Variants in ZNF536 observed in about 807,000 individuals in gnomAD.
ZNF536 encodes zinc finger protein 536.
ZNF536 carries 13 observed loss-of-function variants against 84.5 expected under a neutral mutation model. The observed-to-expected ratio is 0.15, with a 90% CI of 0.10 to 0.24. The LOEUF (loss-of-function observed/expected upper bound fraction) is 0.24, where lower values mean the gene tolerates loss of function less well. Ranked by LOEUF, ZNF536 falls within the 10% of genes least tolerant of loss-of-function variation. The pLI, the probability that ZNF536 is intolerant of heterozygous loss-of-function variation, is 1.00. For missense variants in ZNF536, 1,536 were observed against 1,747.5 expected (o/e 0.88, Z 2.16); for synonymous variants, 811 against 742.5 (o/e 1.09, Z -1.50).
At chr19:30,636,684 CT>C (rs1358434707) in intron 1 of ZNF536, among the ~76,000 whole-genome samples, 58 of 152,206 alleles carry the variant, frequency 3.8e-4, no homozygotes, top group African/African-American at 1.4e-3. Flanking sequence ...CTTTATGTGC[CT>C]TTGAGTCATA....
chr19:30,590,837 C>G (rs2047253156), intron 1 of ZNF536, among the ~76,000 whole-genome samples: 1 of 152,214 alleles, frequency 6.6e-6, no homozygotes. Context: ...AAAACAAAGC[C>G]TCTTAGATGT....
chr19:30,234,801 T>A (rs895136050), intron 1 of ZNF536, among the ~76,000 whole-genome samples: 1 of 151,818 alleles, frequency 6.6e-6, no homozygotes, highest in African/African-American at 2.4e-5. Flanking sequence ...CACCACGAAG[T>A]AGCTTTACTT....
intron 2 of ZNF536, among the ~76,000 whole-genome samples, chr19:30,486,272 C>T (rs919593553): frequency 3.3e-5 from 5 of 152,134 alleles, no homozygotes; most frequent in Non-Finnish European, 7.3e-5. Flanking sequence ...CGCTGACAAG[C>T]CCCAGTGTGT....
intron 1 of ZNF536, among the ~76,000 whole-genome samples, chr19:30,701,361 A>C (rs1169100337): frequency 6.6e-6 from 1 of 151,776 alleles, no homozygotes; most frequent in Non-Finnish European, 1.5e-5. Flanking sequence ...ACACACACAA[A>C]CACAAATACA....
chr19:30,616,090 A>G (rs972431930), intron 1 of ZNF536, among the ~76,000 whole-genome samples: 27 of 152,378 alleles, frequency 1.8e-4, no homozygotes, highest in African/African-American at 5.5e-4. Flanking sequence ...GCAGGTTCTC[A>G]TAAGTATTCT....
rs2146258662 is a variant in ZNF536, at chr19:30,549,476, C to T, written c.3857C>T (p.Thr1286Ile). The stretch of plus-strand genomic sequence containing the variant: ...GCCTTTAACGGACTTGCAAGTAGCA[C>T]AGCAAATTCTGGATGTATCAAGAGG... Reference protein sequence around the residue: ...LAAFNGLASSTANSGCIKRPD... With the variant: ...LAAFNGLASSIANSGCIKRPD... The change falls in exon 4 of 5, where the codon ACA (threonine) becomes ATA (isoleucine). Residue 1286 changes from threonine (T) to isoleucine (I), a missense_variant. By Grantham distance (89) the Thr-to-Ile change is moderately conservative (BLOSUM62 -1). This residue lies in a region of ZNF536 where 624 missense variants were observed against 603.1 expected (regional missense o/e 1.03). Coordinates refer to ENST00000355537, the MANE Select transcript of ZNF536 (RefSeq NM_014717.3). 2 of 1,518,128 alleles carry T rather than the reference C, an allele frequency of 1.3e-6. No individual in the cohort carries two copies. The highest frequency in any genetic ancestry group is 8.8e-7 in the Non-Finnish European group (1 of 1,133,760). 94.0% of individuals were successfully genotyped at this position (1,518,128 alleles called of 1,614,324 possible). A position where few individuals can be genotyped will look rare whatever the true frequency, so the allele number is the denominator to read the frequency against.
At chr19:30,437,891 C>A (rs1475468582) in intron 1 of ZNF536, among the ~76,000 whole-genome samples, 1 of 152,240 alleles carries the variant, frequency 6.6e-6, no homozygotes, top group East Asian at 1.9e-4. Flanking sequence ...TTATAGGTTT[C>A]AGGCTGGGGC....
At chr19:30,491,285 GA>G (rs778323152) in intron 2 of ZNF536, among the ~76,000 whole-genome samples, 2 of 152,136 alleles carry the variant, frequency 1.3e-5, no homozygotes, top group Non-Finnish European at 2.9e-5. Flanking sequence ...AGCACAAGGT[GA>G]ACAAAATAAG....
intron 1 of ZNF536, among the ~76,000 whole-genome samples, chr19:30,402,584 C>A (rs2050087863): frequency 6.6e-6 from 1 of 151,744 alleles, no homozygotes; most frequent in African/African-American, 2.4e-5. Context: ...TCCCAGCCAC[C>A]TTCCATTTGC....
At chr19:30,593,636 G>A (rs1199749048) in intron 1 of ZNF536, among the ~76,000 whole-genome samples, 2 of 152,210 alleles carry the variant, frequency 1.3e-5, no homozygotes, top group East Asian at 1.9e-4. Context: ...GCAAGAGTCC[G>A]CGGGCAACAG....
intron 4 of ZNF536, among the ~76,000 whole-genome samples, chr19:30,550,171 G>A (rs1442400936): frequency 6.6e-6 from 1 of 152,186 alleles, no homozygotes; most frequent in African/African-American, 2.4e-5. Flanking sequence ...AACAAGACAT[G>A]TACATTGTGA....
intron 2 of ZNF536, among the ~76,000 whole-genome samples, chr19:30,464,902 C>T (rs552715407): frequency 3.9e-5 from 6 of 151,984 alleles, no homozygotes; most frequent in East Asian, 1.9e-4. Flanking sequence ...TGTGGCTCTT[C>T]GGGGAATTTG....
At chr19:30,556,018 T>C (rs960432407) in intron 4 of ZNF536, 1 of 152,260 alleles carries the variant, frequency 6.6e-6, no homozygotes, top group Non-Finnish European at 1.5e-5. Context: ...AAATGTGCTC[T>C]CATACCTCTT....
intron 1 of ZNF536, among the ~76,000 whole-genome samples, chr19:30,432,841 A>C (rs1466385885): frequency 6.6e-6 from 1 of 152,110 alleles, no homozygotes; most frequent in Non-Finnish European, 1.5e-5. Flanking sequence ...TCACCCCTAT[A>C]GTTGGTGGCT....
chr19:30,605,400 A>G (rs1568596024), intron 1 of ZNF536, among the ~76,000 whole-genome samples: 1 of 151,354 alleles, frequency 6.6e-6, no homozygotes, highest in Non-Finnish European at 1.5e-5. Flanking sequence ...TTGCATCCTC[A>G]TTACTTAGCT....
At chr19:30,604,432 T>C (rs12981925) in intron 1 of ZNF536, among the ~76,000 whole-genome samples, 1 of 152,214 alleles carries the variant, frequency 6.6e-6, no homozygotes, top group Admixed American at 6.5e-5. Context: ...TTATAATGAG[T>C]GTTTATTATG....
chr19:30,599,996 A>G (rs2047625785), intron 1 of ZNF536, among the ~76,000 whole-genome samples: 1 of 151,170 alleles, frequency 6.6e-6, no homozygotes. Flanking sequence ...CTGGGGGAAA[A>G]AGTGGTGATT....
chr19:30,539,082 G>T (rs1038305070), intron 3 of ZNF536, among the ~76,000 whole-genome samples: 16 of 150,802 alleles, frequency 1.1e-4, no homozygotes, highest in African/African-American at 3.9e-4. Context: ...AGGAAAGAAA[G>T]AAAAGAAAAG....
At chr19:30,386,868 T>C (rs181647370) in intron 1 of ZNF536, among the ~76,000 whole-genome samples, 1 of 152,400 alleles carries the variant, frequency 6.6e-6, no homozygotes, top group Admixed American at 6.5e-5. Flanking sequence ...ACACTTCTAT[T>C]ACAGCGGAAA....
Sources: allele counts gnomAD v4.1 joint callset (sites outside exome capture counted in the v4.1 genomes callset), GRCh38; gene constraint gnomAD v4.1.1; regional missense constraint gnomAD v4.1.1; transcripts MANE v1.5; gene names NCBI Gene and HGNC (gene_info 2026-07-23, HGNC 2026-07-21).